MYPN: variants seen among roughly 807,000 people sequenced by gnomAD.
MYPN encodes the protein myopalladin, also known as sarcomeric protein myopalladin, 145 kDa (MYOP).
In MYPN, 63 loss-of-function variants were observed where a neutral mutation model predicts 129.4. The ratio of observed to expected loss-of-function variants is 0.49; its 90% CI spans 0.40 to 0.60. MYPN has a LOEUF of 0.60. Among genes scored for constraint, MYPN ranks in the 20% least tolerant of loss-of-function variants. MYPN has a pLI of 0.00. For missense variants in MYPN, 1,596 were observed against 1,635.4 expected (o/e 0.98, Z 0.42); for synonymous variants, 629 against 600.9 (o/e 1.05, Z -0.68).
chr10:68,170,766 A>G (rs192176741), intron 10 of MYPN, among the ~76,000 whole-genome samples: 1 of 152,292 alleles, frequency 6.6e-6, no homozygotes, highest in Non-Finnish European at 1.5e-5. Context: ...TTTAAAAAAC[A>G]TTTATGCCCT....
At chr10:68,197,287 G>A in intron 15 of MYPN, 65 bp from the exon 16 acceptor site, 1 of 1,583,218 alleles carries the variant, frequency 6.3e-7, no homozygotes, top group Non-Finnish European at 8.6e-7. Flanking sequence ...ATGCCTAAAT[G>A]CCTATTATCA....
At chr10:68,141,670 C>T (rs2042581192) in intron 2 of MYPN, among the ~76,000 whole-genome samples, 1 of 152,082 alleles carries the variant, frequency 6.6e-6, no homozygotes, top group South Asian at 2.1e-4. Flanking sequence ...TTATTCTTTC[C>T]AATTTTCTTT....
chr10:68,200,500 G>C (rs1317722343), intron 17 of MYPN, among the ~76,000 whole-genome samples: 1 of 151,486 alleles, frequency 6.6e-6, no homozygotes, highest in Admixed American at 6.6e-5. Flanking sequence ...GCTCACACCT[G>C]TAATCCCAAC....
chr10:68,150,578 G>A (rs1306549647), intron 6 of MYPN, among the ~76,000 whole-genome samples: 1 of 152,124 alleles, frequency 6.6e-6, no homozygotes, highest in Admixed American at 6.6e-5. Flanking sequence ...TGTTGAGGTG[G>A]CATCAAATTC....
chr10:68,209,414 G>A (rs969344456), intron 19 of MYPN, among the ~76,000 whole-genome samples: 2 of 152,184 alleles, frequency 1.3e-5, no homozygotes, highest in Admixed American at 6.5e-5. Flanking sequence ...AATAGAACCT[G>A]ATTAGGGAGG....
At chr10:68,092,495 CAAA>C (rs1170392363) in intron 1 of MYPN, among the ~76,000 whole-genome samples, 5 of 96,486 alleles carry the variant, frequency 5.2e-5, no homozygotes, top group Non-Finnish European at 2.2e-5. Flanking sequence ...GACTTCGTCT[CAAA>C]AAAAAAAAAA....
chr10:68,146,002 C>T (rs2042660770), intron 4 of MYPN, among the ~76,000 whole-genome samples: 1 of 152,076 alleles, frequency 6.6e-6, no homozygotes, highest in African/African-American at 2.4e-5. Flanking sequence ...TTTATAGTGT[C>T]CAAACTACGA....
chr10:68,177,151 T>C (rs763521530), intron 12 of MYPN, among the ~76,000 whole-genome samples: 26 of 152,238 alleles, frequency 1.7e-4, no homozygotes, highest in Admixed American at 6.5e-5. Flanking sequence ...AGAAGGGTTT[T>C]TCTCTTAGTT....
rs1243443520 is a variant in MYPN at position 68,165,806 on chromosome 10, C to G, written c.1588C>G (p.Leu530Val). ...CGGCACAGTGTCAAGCATTGCACAG[C>G]TGCACGTGAGAGGTAAGGACTCTTT... ...KYGTVSSIAQ[L>V]HVRGNEDLSN... The change falls in exon 9 of 20, where the codon CTG (leucine) becomes GTG (valine). Residue 530 changes from leucine to valine, a missense_variant. Transcript: ENST00000358913. 2 of 1,613,492 alleles carry G rather than the reference C, an allele frequency of 1.2e-6. No homozygotes were observed. Among genetic ancestry groups the G allele is most frequent in the African/African-American group, 2.7e-5 (2 of 74,946 alleles).
At chr10:68,199,263 T>G in intron 16 of MYPN, 105 bp from the exon 17 acceptor site, 1 of 1,126,054 alleles carries the variant, frequency 8.9e-7, no homozygotes, top group South Asian at 1.3e-5. Flanking sequence ...CACTCCATGT[T>G]TTCTCTCACT....
Position 68,109,519 on chromosome 10 carries a change from C to A in MYPN, c.-206C>A. On this transcript the variant is annotated 5_prime_UTR_variant, in exon 1 of 20. Coordinates refer to ENST00000358913, the MANE Select transcript of MYPN (RefSeq NM_032578.4). ...ACAAATGCTCTGGCTCCGGTGGTGA[C>A]AGGTTGTCCAGCTTCTTACAGCCAT... 2.2e-6 allele frequency: 1 copy of A among 454,082 alleles called. No individual in the cohort carries two copies. The highest frequency in any genetic ancestry group is 4.4e-6 in the Non-Finnish European group (1 of 226,792). The allele number at this position is 454,082 out of a possible 1,614,324, so 28.1% of individuals were successfully genotyped here.
chr10:68,124,323 G>A (rs2042294415), intron 2 of MYPN, among the ~76,000 whole-genome samples: 1 of 152,096 alleles, frequency 6.6e-6, no homozygotes, highest in Non-Finnish European at 1.5e-5. Context: ...TCCTACAAGA[G>A]TTACTTTGTG....
chr10:68,203,720 C>CAGAGAGAGAGAGAGAGAG (rs371058853), intron 18 of MYPN, among the ~76,000 whole-genome samples: 1,158 of 115,670 alleles, frequency 0.01, 7 homozygotes, highest in Middle Eastern at 0.019. Context: ...CATACACACA[C>CAGAGAGAGAGAGAGAGAG]AGAGAGAGAG....
intron 10 of MYPN, 81 bp downstream of exon 10, chr10:68,166,747 A>C: frequency 7.1e-6 from 11 of 1,556,822 alleles, no homozygotes; most frequent in Non-Finnish European, 9.6e-6. Context: ...AATGGAACTC[A>C]GCTAGGCACA....
At chr10:68,165,179 A>C (rs1489487178) in intron 8 of MYPN, among the ~76,000 whole-genome samples, 1 of 152,046 alleles carries the variant, frequency 6.6e-6, no homozygotes, top group East Asian at 1.9e-4. Flanking sequence ...CAGGCCGGGC[A>C]TGGGGGCTCA....
chr10:68,121,709 G>A lies in MYPN; in HGVS notation c.271G>A (p.Ala91Thr), dbSNP rs763043084. ...LAINYDPLEKADETQARKRLS... is the reference protein window; with the variant it reads ...LAINYDPLEKTDETQARKRLS... ...CATCAATTACGACCCTTTGGAGAAG[G>A]CAGATGAAACTCAAGCTAGAAAACG... Residue 91 changes from alanine (A) to threonine (T), a missense_variant, in exon 2 of 20, where the codon GCA (alanine) becomes ACA (threonine). Ala to Thr is a moderately conservative substitution (Grantham distance 58). Transcript: ENST00000358913. 11 of 1,614,082 alleles carry A rather than the reference G, an allele frequency of 6.8e-6. No individual in the cohort carries two copies. Among genetic ancestry groups the A allele is most frequent in the Non-Finnish European group, 9.3e-6 (11 of 1,180,054 alleles).
Position 68,154,908 on chromosome 10 carries a change from G to A in MYPN, c.1318-3578G>A, listed in dbSNP as rs181248800. 3.9e-5 allele frequency among the ~76,000 whole-genome samples: 6 copies of A among 152,254 alleles called. No individual in the cohort carries two copies. In the East Asian group the frequency reaches 1.2e-3, roughly 29 times the overall value. ...ATAACTTCCATTTCAGGCCAGGCAC[G>A]GTGGCTCACAACTGTAATTCCAGCA... On this transcript the variant is annotated intron_variant, in intron 6 of 19. Coordinates refer to ENST00000358913, the MANE Select transcript of MYPN (RefSeq NM_032578.4).
In MYPN at chr10:68,201,849, C is replaced by T. The variant is rs1026312362; in HGVS notation, c.3514C>T (p.Pro1172Ser). ...CTCAGCCAAAGAGGTGAAGAAAGCA[C>T]CTGTGATCCTGGAGAAACTACAGAA... ...SVVAKEVKKA[P>S]VILEKLQNCG... Residue 1172 changes from proline (P) to serine (S), a missense_variant, in exon 18 of 20, where the codon CCT becomes TCT. By Grantham distance (74) the Pro-to-Ser change is moderately conservative. Transcript: ENST00000358913. 4 of 1,614,080 alleles carry T rather than the reference C, an allele frequency of 2.5e-6. No individual in the cohort carries two copies. The highest frequency in any genetic ancestry group is 3.4e-6 in the Non-Finnish European group (4 of 1,180,010).
chr10:68,179,614 C>T (rs991231715), intron 12 of MYPN, among the ~76,000 whole-genome samples: 1 of 152,182 alleles, frequency 6.6e-6, no homozygotes, highest in Admixed American at 6.5e-5. Flanking sequence ...ATGGATACTA[C>T]CCACTATGGT....
Sources: allele counts gnomAD v4.1 joint callset (sites outside exome capture counted in the v4.1 genomes callset), GRCh38; gene constraint gnomAD v4.1.1; transcripts MANE v1.5; gene names NCBI Gene and HGNC (gene_info 2026-07-23, HGNC 2026-07-21).